PPP1R37: variants seen among roughly 807,000 people sequenced by gnomAD.
PPP1R37 encodes protein phosphatase 1 regulatory subunit 37, also known as leucine rich repeat containing 68.
Under a neutral mutation model 61.0 loss-of-function variants are expected in PPP1R37, and 21 were observed. That is an observed-to-expected ratio of 0.34 (90% CI 0.24 to 0.50). The LOEUF (loss-of-function observed/expected upper bound fraction) is 0.50. Ranked by LOEUF, PPP1R37 falls within the 20% of genes least tolerant of loss-of-function variation. PPP1R37 has a pLI of 0.98. For missense variants in PPP1R37, 910 were observed against 952.7 expected, an observed-to-expected ratio of 0.96 and a Z score of 0.59; for synonymous variants, 443 against 433.5, an observed-to-expected ratio of 1.02 and a Z score of -0.27.
At chr19:45,100,518 G>C (rs1299729635) in intron 1 of PPP1R37, among the ~76,000 whole-genome samples, 1 of 152,178 alleles carries the variant, frequency 6.6e-6, no homozygotes, top group East Asian at 1.9e-4. Flanking sequence ...TGAGGAAATG[G>C]AGCCCATAGA....
chr19:45,146,701 G>A lies in PPP1R37; in HGVS notation c.*139G>A, dbSNP rs1390288770. ...ATTCTGGGGCCCCCCTCCCCCCACA[G>A]CAACACTACAAGGGGTGCAGGAGCT... On this transcript the variant is annotated 3_prime_UTR_variant, in exon 13 of 13. Coordinates refer to ENST00000221462, the MANE Select transcript of PPP1R37 (RefSeq NM_019121.2). The A allele has an allele frequency of 1.9e-6, 1 of 519,864 alleles. No homozygotes were observed. The highest frequency in any genetic ancestry group is 3.5e-6 in the Non-Finnish European group (1 of 285,310). 32.2% of individuals were successfully genotyped at this position (519,864 alleles called of 1,614,324 possible).
intron 4 of PPP1R37, among the ~76,000 whole-genome samples, chr19:45,140,975 C>T (rs1469664360): frequency 6.6e-6 from 1 of 152,158 alleles, no homozygotes; most frequent in Non-Finnish European, 1.5e-5. Flanking sequence ...GCCCTCACCT[C>T]CTCAGCCTTG....
At chr19:45,104,399 A>C (rs899448550) in intron 1 of PPP1R37, among the ~76,000 whole-genome samples, 1 of 152,184 alleles carries the variant, frequency 6.6e-6, no homozygotes, top group Non-Finnish European at 1.5e-5. Context: ...CGGGTGCCGC[A>C]AAGCCTTTGT....
chr19:45,129,514 G>A (rs1251537761), intron 1 of PPP1R37, among the ~76,000 whole-genome samples: 2 of 152,176 alleles, frequency 1.3e-5, no homozygotes, highest in African/African-American at 4.8e-5. Context: ...GGCCAGGCTG[G>A]TCTTGAACTC....
intron 1 of PPP1R37, among the ~76,000 whole-genome samples, chr19:45,109,209 C>A (rs1202215393): frequency 6.6e-6 from 1 of 152,166 alleles, no homozygotes; most frequent in Non-Finnish European, 1.5e-5. Flanking sequence ...TATATTTGTC[C>A]TCATTTATCA....
intron 5 of PPP1R37, among the ~76,000 whole-genome samples, chr19:45,141,811 G>A (rs60864846): frequency 0.14 from 21,724 of 152,224 alleles, 1,926 homozygotes; most frequent in African/African-American, 0.25. Context: ...CACAGGAGTT[G>A]GAGATCCTGG....
rs577684844 is a variant in PPP1R37 at position 45,113,029 on chromosome 19, G to A, written c.202+19502G>A. 2.6e-5 allele frequency among the ~76,000 whole-genome samples: 4 copies of A among 152,298 alleles called. No homozygotes were observed. In the East Asian group the frequency reaches 7.7e-4, roughly 29 times the overall value. On this transcript the variant is annotated intron_variant, in intron 1 of 12. Transcript: ENST00000221462. The stretch of plus-strand genomic sequence containing the variant: ...GCTGGGCTCTGTGGCAGAGGGAGGG[G>A]TCACAGCTCCTGCCCTCGACAGCTT...
At chr19:45,098,906 C>T (rs1016831453) in intron 1 of PPP1R37, among the ~76,000 whole-genome samples, 2 of 152,126 alleles carry the variant, frequency 1.3e-5, no homozygotes, top group Non-Finnish European at 2.9e-5. Flanking sequence ...CCACCTCCTG[C>T]TGCTGGAGTT....
chr19:45,119,358 G>A (rs564861414), intron 1 of PPP1R37, among the ~76,000 whole-genome samples: 2 of 152,242 alleles, frequency 1.3e-5, no homozygotes, highest in South Asian at 4.2e-4. Context: ...TTGCCCTGTT[G>A]GCCCGACTGG....
intron 1 of PPP1R37, among the ~76,000 whole-genome samples, chr19:45,114,567 C>T (rs1968240793): frequency 1.3e-5 from 2 of 152,252 alleles, no homozygotes; most frequent in African/African-American, 4.8e-5. Context: ...GGAGGCTCTG[C>T]AGACACCCCA....
At chr19:45,146,193 C>T (rs1259981459) in intron 11 of PPP1R37, 144 bp downstream of exon 11, 21 of 1,004,602 alleles carry the variant, frequency 2.1e-5, no homozygotes, top group Non-Finnish European at 2.7e-5. Context: ...TAGTTCTCAT[C>T]TCCACCCTGC....
Position 45,145,188 on chromosome 19 carries a change from A to G in PPP1R37, c.1224A>G (p.Ala408=). Residue 408 remains alanine, a synonymous_variant, in exon 10 of 13, where the codon GCA becomes GCG. Transcript: ENST00000221462. ...AGATCAAGACAGGCGGGCTCATGGC[A>G]CTGTCGTTGGCCCTCAAGGTGAACC... ...ENEIKTGGLM[A]LSLALKVNHS... The G allele has an allele frequency of 2.0e-6, 3 of 1,535,126 alleles. No homozygotes were observed. The East Asian group carries it at 7.3e-5, about 38-fold the overall frequency.
At chr19:45,139,229 T>C (rs530500981) in intron 2 of PPP1R37, among the ~76,000 whole-genome samples, 2 of 152,302 alleles carry the variant, frequency 1.3e-5, no homozygotes, top group African/African-American at 4.8e-5. Context: ...TTCATAAAAG[T>C]CAGAATTACA....
intron 1 of PPP1R37, among the ~76,000 whole-genome samples, chr19:45,131,388 C>T (rs1371217067): frequency 6.6e-6 from 1 of 152,232 alleles, no homozygotes; most frequent in Non-Finnish European, 1.5e-5. Context: ...TTCCCCTCCT[C>T]AGGCCAGACA....
intron 1 of PPP1R37, among the ~76,000 whole-genome samples, chr19:45,120,608 A>AT (rs1968330029): frequency 6.6e-6 from 1 of 152,026 alleles, no homozygotes; most frequent in African/African-American, 2.4e-5. Flanking sequence ...CAGGTGTGTA[A>AT]TTGCTAATCA....
At chr19:45,129,358 G>A (rs1210882898) in intron 1 of PPP1R37, among the ~76,000 whole-genome samples, 2 of 152,110 alleles carry the variant, frequency 1.3e-5, no homozygotes, top group African/African-American at 4.8e-5. Flanking sequence ...GAGTGCACGG[G>A]GCACCATCTC....
At chr19:45,101,689 G>T (rs1192916057) in intron 1 of PPP1R37, among the ~76,000 whole-genome samples, 2 of 151,912 alleles carry the variant, frequency 1.3e-5, no homozygotes, top group Non-Finnish European at 2.9e-5. Context: ...CTGCCCTCCA[G>T]CCTATGTGAC....
At chr19:45,138,401 G>C in intron 1 of PPP1R37, 113 bp from the exon 2 acceptor site, 2 of 699,168 alleles carry the variant, frequency 2.9e-6, no homozygotes, top group Non-Finnish European at 4.8e-6. Context: ...CCTGTTGTTG[G>C]GGGAGGGCTG....
At chr19:45,116,488 C>T (rs761781697) in intron 1 of PPP1R37, among the ~76,000 whole-genome samples, 25 of 152,240 alleles carry the variant, frequency 1.6e-4, no homozygotes, top group Admixed American at 1.6e-3. Context: ...AGAAGAGCCC[C>T]TCTCACCCAG....
Sources: gnomAD v4.1 joint callset for allele counts (sites outside exome capture counted in the v4.1 genomes callset) on GRCh38, gnomAD v4.1.1 for gene constraint, MANE v1.5 for transcripts, NCBI Gene and HGNC (gene_info 2026-07-23, HGNC 2026-07-21) for gene names.